C8orf34: variants seen among roughly 807,000 people sequenced by gnomAD.
C8orf34 encodes the protein uncharacterized protein C8orf34.
Under a neutral mutation model 68.3 loss-of-function variants are expected in C8orf34, and 65 were observed. The observed-to-expected ratio is 0.95, with a 90% CI of 0.78 to 1.17. The LOEUF is 1.17. Among genes scored for constraint, C8orf34 ranks in the 50% most tolerant of loss-of-function variants. The pLI, the probability that C8orf34 is intolerant of heterozygous loss-of-function variation, is 0.00. For synonymous variants in C8orf34, 244 were observed against 241.2 expected (o/e 1.01, Z -0.11); for missense variants, 664 against 655.4 (o/e 1.01, Z -0.14).
chr8:68,572,941 T>G (rs1816799221), intron 7 of C8orf34, among the ~76,000 whole-genome samples: 2 of 152,168 alleles, frequency 1.3e-5, no homozygotes, highest in South Asian at 2.1e-4. Flanking sequence ...TCAATAATTG[T>G]GAGCTCTCTT....
chr8:68,405,000 C>T lies in C8orf34; in HGVS notation c.328-34499C>T, dbSNP rs532463309. ...AATATAGATTCTTCCTATCCATGAG[C>T]GTGTAATGTTTTTCCATTTGTTTGT... On this transcript the variant is annotated intron_variant, in intron 1 of 13. Transcript: ENST00000518698. Among the ~76,000 whole-genome samples the T allele has an allele frequency of 3.9e-4, 60 of 152,210 alleles. 2 individuals are homozygous for T. In the South Asian group the frequency reaches 6.6e-3, roughly 17 times the overall value.
At chr8:68,380,152 A>G (rs1379046556) in intron 1 of C8orf34, among the ~76,000 whole-genome samples, 1 of 152,142 alleles carries the variant, frequency 6.6e-6, no homozygotes, top group Non-Finnish European at 1.5e-5. Flanking sequence ...GTGAGCCACC[A>G]CACCCAGCCT....
chr8:68,798,289 T>A (rs1459356298), intron 12 of C8orf34, among the ~76,000 whole-genome samples: 1 of 40,844 alleles, frequency 2.4e-5, no homozygotes, highest in African/African-American at 4.8e-4. Context: ...TATGTCTGGC[T>A]TTTTTTTTTT....
chr8:68,330,794 G>GACAC (rs201054752), upstream of C8orf34: 10 of 440,134 alleles, frequency 2.3e-5, no homozygotes, highest in East Asian at 2.3e-4. Context: ...CGCGCGCACG[G>GACAC]ACACACACAC....
At chr8:68,775,230 TG>T (rs1823481732) in intron 10 of C8orf34, among the ~76,000 whole-genome samples, 2 of 152,106 alleles carry the variant, frequency 1.3e-5, no homozygotes, top group African/African-American at 2.4e-5. Context: ...AGATAATATA[TG>T]TGTTGGTCAT....
At chr8:68,787,828 C>T (rs1033233226) in intron 12 of C8orf34, among the ~76,000 whole-genome samples, 8 of 151,996 alleles carry the variant, frequency 5.3e-5, no homozygotes, top group East Asian at 1.9e-4. Flanking sequence ...GAATAGTCTA[C>T]GATTACATCA....
chr8:68,682,310 A>G (rs1820393279), intron 8 of C8orf34, among the ~76,000 whole-genome samples: 1 of 152,172 alleles, frequency 6.6e-6, no homozygotes, highest in Non-Finnish European at 1.5e-5. Context: ...TTGTATCAAA[A>G]TATCTCATGT....
intron 7 of C8orf34, among the ~76,000 whole-genome samples, chr8:68,566,188 T>C (rs1816583278): frequency 6.6e-6 from 1 of 152,144 alleles, no homozygotes; most frequent in African/African-American, 2.4e-5. Flanking sequence ...GGTTTGGGGG[T>C]ACATGTGAAG....
intron 7 of C8orf34, among the ~76,000 whole-genome samples, chr8:68,613,837 T>C (rs890971629): frequency 4.6e-5 from 7 of 152,076 alleles, no homozygotes; most frequent in African/African-American, 1.2e-4. Flanking sequence ...ATGGTATTTC[T>C]AGTTCTAGAT....
chr8:68,740,980 C>A (rs1447026328), intron 10 of C8orf34, among the ~76,000 whole-genome samples: 2 of 151,956 alleles, frequency 1.3e-5, no homozygotes, highest in Non-Finnish European at 2.9e-5. Flanking sequence ...AATACAGGAA[C>A]AGAAAGCCAA....
chr8:68,784,625 T>C (rs908583451), intron 11 of C8orf34, among the ~76,000 whole-genome samples: 10 of 152,218 alleles, frequency 6.6e-5, no homozygotes, highest in African/African-American at 2.4e-4. Context: ...ATTTATTTAT[T>C]TGAACATTTA....
At chr8:68,434,140 CT>C (rs1810558701) in intron 1 of C8orf34, among the ~76,000 whole-genome samples, 1 of 151,982 alleles carries the variant, frequency 6.6e-6, no homozygotes, top group South Asian at 2.1e-4. Context: ...CCTTTTTCTT[CT>C]TTTACTTTAA....
intron 2 of C8orf34, 78 bp downstream of exon 2, chr8:68,439,724 A>G (rs753202019): frequency 3.0e-6 from 4 of 1,335,318 alleles, no homozygotes; most frequent in Admixed American, 4.5e-5. Flanking sequence ...GATACTAATA[A>G]GATAAATCTA....
chr8:68,581,176 T>C (rs1306794944), intron 7 of C8orf34, among the ~76,000 whole-genome samples: 1 of 152,160 alleles, frequency 6.6e-6, no homozygotes, highest in Non-Finnish European at 1.5e-5. Flanking sequence ...GTATTTCTTA[T>C]GCAAGTTTTG....
At chr8:68,421,050 G>T (rs1399084054) in intron 1 of C8orf34, among the ~76,000 whole-genome samples, 3 of 152,058 alleles carry the variant, frequency 2.0e-5, no homozygotes, top group Admixed American at 6.6e-5. Flanking sequence ...TTAACCCATA[G>T]ATTTAAAAGC....
chr8:68,423,712 C>T (rs1490832780), intron 1 of C8orf34, among the ~76,000 whole-genome samples: 1 of 152,084 alleles, frequency 6.6e-6, no homozygotes, highest in Non-Finnish European at 1.5e-5. Context: ...TATTAGGCTG[C>T]TCTAACACTG....
At chr8:68,795,105 G>T (rs1824139895) in intron 12 of C8orf34, among the ~76,000 whole-genome samples, 1 of 151,982 alleles carries the variant, frequency 6.6e-6, no homozygotes, top group Admixed American at 6.5e-5. Context: ...AGCCCTTCTA[G>T]TGGATTTTTA....
intron 1 of C8orf34, among the ~76,000 whole-genome samples, chr8:68,336,184 C>G (rs909471906): frequency 1.3e-5 from 2 of 151,044 alleles, no homozygotes; most frequent in Admixed American, 1.3e-4. Flanking sequence ...CATAGGCTTT[C>G]CTCCCTTTTT....
intron 4 of C8orf34, among the ~76,000 whole-genome samples, chr8:68,485,109 T>C (rs2129631333): frequency 6.6e-6 from 1 of 152,308 alleles, no homozygotes; most frequent in African/African-American, 2.4e-5. Context: ...TCATCTCCAT[T>C]TTCAACTGCT....
Sources: allele counts gnomAD v4.1 joint callset (sites outside exome capture counted in the v4.1 genomes callset), GRCh38; gene constraint gnomAD v4.1.1; transcripts MANE v1.5; gene names NCBI Gene and HGNC (gene_info 2026-07-23, HGNC 2026-07-21).